Variants in RAB33A observed in about 807,000 individuals in gnomAD.
RAB33A encodes the protein RAB33A, member RAS oncogene family.
Under a neutral mutation model 12.0 loss-of-function variants are expected in RAB33A, and 6 were observed. The ratio of observed to expected loss-of-function variants is 0.50; its 90% CI spans 0.27 to 0.99. The LOEUF (loss-of-function observed/expected upper bound fraction) is 0.99, where lower values mean the gene tolerates loss of function less well. Among genes scored for constraint, RAB33A ranks in the 50% least tolerant of loss-of-function variants. The pLI is 0.11. For missense variants in RAB33A, 109 were observed against 192.0 expected, an observed-to-expected ratio of 0.57 and a Z score of 2.55; for synonymous variants, 70 against 82.4, an observed-to-expected ratio of 0.85 and a Z score of 0.81.
intron 1 of RAB33A, among the ~76,000 whole-genome samples, chrX:130,181,820 G>A (rs890521555): frequency 8.2e-5 from 9 of 110,040 alleles, no homozygotes; most frequent in Admixed American, 4.9e-4. Context: ...GGTGGCGCAC[G>A]ACTGTAATCC....
chrX:130,170,007 T>C (rs2031588621), upstream of RAB33A, among the ~76,000 whole-genome samples: 1 of 112,308 alleles, frequency 8.9e-6, no homozygotes, highest in Non-Finnish European at 1.9e-5. Flanking sequence ...ACAATGATGA[T>C]TGATACATAA....
chrX:130,126,290 G>A, the RAB33A span, among the ~76,000 whole-genome samples: 1 of 111,406 alleles, frequency 9.0e-6, no homozygotes, highest in Middle Eastern at 4.6e-3. Context: ...TCAGGAGTTC[G>A]AGACCAGCCT....
chrX:130,128,552 A>C, the RAB33A span, among the ~76,000 whole-genome samples: 113 of 112,334 alleles, frequency 1.0e-3, 1 homozygote, highest in African/African-American at 3.5e-3. Context: ...AGCCTGGGCA[A>C]CAAGAGCAAA....
chrX:130,145,856 G>A, the RAB33A span, among the ~76,000 whole-genome samples: 7 of 111,594 alleles, frequency 6.3e-5, no homozygotes, highest in Non-Finnish European at 3.8e-5. Context: ...AGTGGGTAAT[G>A]GCCAGGGATG....
At chrX:130,155,311 G>A in the RAB33A span, 1 of 1,204,610 alleles carries the variant, frequency 8.3e-7, no homozygotes, top group South Asian at 1.8e-5. Context: ...AAGGCCAAGA[G>A]AGAAACAAAA....
the RAB33A span, among the ~76,000 whole-genome samples, chrX:130,127,663 G>A: frequency 9.7e-6 from 1 of 102,793 alleles, no homozygotes; most frequent in Non-Finnish European, 2.0e-5. Flanking sequence ...TAATAATTTC[G>A]ATGTCACAGG....
chrX:130,117,851 ATC>A, the RAB33A span, among the ~76,000 whole-genome samples: 1 of 112,584 alleles, frequency 8.9e-6, no homozygotes, highest in Non-Finnish European at 1.9e-5. Context: ...GTCCTGTGTC[ATC>A]TCTTTGACCT....
the RAB33A span, among the ~76,000 whole-genome samples, chrX:130,141,524 G>A: frequency 8.9e-6 from 1 of 111,781 alleles, no homozygotes; most frequent in Admixed American, 9.5e-5. Context: ...CTCTCTTAAG[G>A]AGAGCTTACA....
chrX:130,131,090 C>T, the RAB33A span, among the ~76,000 whole-genome samples: 1 of 111,861 alleles, frequency 8.9e-6, no homozygotes, highest in African/African-American at 3.3e-5. Flanking sequence ...AATAAGGTCT[C>T]GGAGTTAATG....
the RAB33A span, chrX:130,155,281 G>A: frequency 1.7e-6 from 2 of 1,207,874 alleles, no homozygotes; most frequent in African/African-American, 3.5e-5. Context: ...TGATGAGACT[G>A]CACAACTGTA....
the RAB33A span, among the ~76,000 whole-genome samples, chrX:130,161,513 G>GAAAA: frequency 1.6e-5 from 1 of 60,931 alleles, no homozygotes; most frequent in Non-Finnish European, 3.2e-5. Context: ...TCTGTTTGAA[G>GAAAA]AAAAAAAAAA....
chrX:130,173,032 A>G (rs2031628452), intron 1 of RAB33A, among the ~76,000 whole-genome samples: 1 of 111,338 alleles, frequency 9.0e-6, no homozygotes, highest in Non-Finnish European at 1.9e-5. Context: ...ACTGCTCCTT[A>G]TTCATTCTGT....
At chrX:130,182,183 C>A (rs1387259086) in intron 1 of RAB33A, among the ~76,000 whole-genome samples, 1 of 68,346 alleles carries the variant, frequency 1.5e-5, no homozygotes, top group Non-Finnish European at 2.9e-5. Flanking sequence ...TATATATATA[C>A]ACATATATAT....
chrX:130,135,915 G>GT, the RAB33A span: 1 of 896,220 alleles, frequency 1.1e-6, no homozygotes. Flanking sequence ...TTTCTATTCT[G>GT]TACCCTCAGC....
the RAB33A span, among the ~76,000 whole-genome samples, chrX:130,126,360 C>T: frequency 5.4e-5 from 6 of 110,617 alleles, no homozygotes; most frequent in East Asian, 1.1e-3. Context: ...GGTGTGGTGG[C>T]GTGTGCTTGT....
the RAB33A span, among the ~76,000 whole-genome samples, chrX:130,139,529 G>GA: frequency 3.2e-4 from 36 of 111,249 alleles, no homozygotes; most frequent in African/African-American, 1.1e-3. Flanking sequence ...AACACATCAG[G>GA]AAAAAACAAC....
the RAB33A span, among the ~76,000 whole-genome samples, chrX:130,117,919 C>T: frequency 5.3e-5 from 6 of 112,555 alleles, no homozygotes; most frequent in Admixed American, 4.7e-4. Flanking sequence ...GATCTCCCCA[C>T]AGCCCGGTGC....
intron 1 of RAB33A, among the ~76,000 whole-genome samples, chrX:130,179,171 C>G (rs770662076): frequency 2.7e-5 from 3 of 111,057 alleles, no homozygotes; most frequent in African/African-American, 9.8e-5. Flanking sequence ...AGTTTAAATT[C>G]GGAGCCTCCA....
the RAB33A span, among the ~76,000 whole-genome samples, chrX:130,133,084 A>T: frequency 4.5e-5 from 5 of 111,295 alleles, 1 homozygote; most frequent in South Asian, 1.9e-3. Flanking sequence ...ACTTAAAATA[A>T]TTTTTTTCTC....
Sources: gnomAD v4.1 joint callset for allele counts (sites outside exome capture counted in the v4.1 genomes callset) on GRCh38, gnomAD v4.1.1 for gene constraint, MANE v1.5 for transcripts, NCBI Gene and HGNC (gene_info 2026-07-23, HGNC 2026-07-21) for gene names.